SCN11A: variants seen among roughly 807,000 people sequenced by gnomAD.
The protein encoded by SCN11A is sodium voltage-gated channel alpha subunit 11, also known as sodium channel protein type 11 subunit alpha.
SCN11A carries 122 observed loss-of-function variants against 162.2 expected under a neutral mutation model. That is an observed-to-expected ratio of 0.75 (90% CI 0.65 to 0.87). The LOEUF (loss-of-function observed/expected upper bound fraction) is 0.87. Among genes scored for constraint, SCN11A ranks in the 40% least tolerant of loss-of-function variants. SCN11A has a pLI of 0.00. For synonymous variants in SCN11A, 758 were observed against 751.5 expected (o/e 1.01, Z -0.14); for missense variants, 2,015 against 2,181.6 (o/e 0.92, Z 1.52).
At chr3:38,877,152 T>C (rs1170248280) in intron 23 of SCN11A, among the ~76,000 whole-genome samples, 1 of 106,288 alleles carries the variant, frequency 9.4e-6, no homozygotes, top group Non-Finnish European at 1.8e-5. Context: ...ATGGTATATA[T>C]ATGGTGTATA....
chr3:38,995,021 C>A (rs2030576097), intron 2 of SCN11A, among the ~76,000 whole-genome samples: 1 of 152,174 alleles, frequency 6.6e-6, no homozygotes, highest in South Asian at 2.1e-4. Context: ...GATACAGACA[C>A]ACTTCCTGGG....
intron 2 of SCN11A, among the ~76,000 whole-genome samples, chr3:39,000,581 T>TA (rs2030778810): frequency 6.6e-6 from 1 of 152,246 alleles, no homozygotes; most frequent in South Asian, 2.1e-4. Context: ...TCAGTTCTGT[T>TA]ACATTTACCA....
intron 4 of SCN11A, among the ~76,000 whole-genome samples, chr3:38,951,619 T>G (rs1365876013): frequency 1.3e-5 from 2 of 152,196 alleles, no homozygotes; most frequent in East Asian, 1.9e-4. Flanking sequence ...AGCTCCTGAG[T>G]CTGGTGGGGA....
chr3:38,905,220 A>G lies in SCN11A; in HGVS notation c.1575T>C (p.Ala525=), dbSNP rs201554884. The G allele has an allele frequency of 8.9e-4, 1,430 of 1,614,118 alleles. 23 individuals carry two copies. In the South Asian group the frequency reaches 0.015, roughly 17 times the overall value. Residue 525 remains alanine (A), a synonymous_variant, in exon 15 of 30, where the codon GCT becomes GCC. Transcript: ENST00000302328. ...DPLQRQRALS[A]VSILTITMKE... ...TCATGGTGATGGTGAGGATGCTGAC[A>G]GCACTCAGTGCTCTCTGCCTTTGGA...
In SCN11A at chr3:39,018,547, G is replaced by A. The variant is rs186890006; in HGVS notation, c.-280+13833C>T. Among the ~76,000 whole-genome samples, 60 of 152,228 alleles carry A rather than the reference G, an allele frequency of 3.9e-4. 1 individual carries two copies. In the East Asian group the frequency reaches 6.4e-3, roughly 16 times the overall value. Reference sequence around the variant, plus strand: ...AAAATCATTGTTTTGGGCCAGGCGCGGTGGCTCAAGCCTGTAATCCCAGCA... The same window carrying A: ...AAAATCATTGTTTTGGGCCAGGCGCAGTGGCTCAAGCCTGTAATCCCAGCA... On this transcript the variant is annotated intron_variant, in intron 2 of 29. Transcript: ENST00000302328.
rs267599814 is a variant in SCN11A, at chr3:38,910,147, C to A, written c.1020G>T (p.Thr340=). The A allele has an allele frequency of 6.2e-7, 1 of 1,613,638 alleles. No homozygotes were observed. The highest frequency in any genetic ancestry group is 2.2e-5 in the East Asian group (1 of 44,848). ...HTKINPDYNY[T]NFDNFGWSFL... ...AAGACCAGCCAAAGTTGTCAAAATT[C>A]GTATAATTATAGTCAGGATTAATTT... is the stretch of plus-strand genomic sequence containing the variant. Residue 340 remains threonine, a synonymous_variant, in exon 12 of 30, where the codon ACG becomes ACT. Coordinates refer to ENST00000302328, the MANE Select transcript of SCN11A (RefSeq NM_001349253.2).
At chr3:39,001,947 G>A (rs1472956495) in intron 2 of SCN11A, among the ~76,000 whole-genome samples, 2 of 152,042 alleles carry the variant, frequency 1.3e-5, no homozygotes, top group Non-Finnish European at 2.9e-5. Flanking sequence ...TGAGGCAGGA[G>A]AATGGCGTGA....
chr3:38,971,651 A>G (rs971399015), intron 2 of SCN11A, among the ~76,000 whole-genome samples: 1 of 152,162 alleles, frequency 6.6e-6, no homozygotes, highest in African/African-American at 2.4e-5. Context: ...TCACTGCAAG[A>G]TCTGACCTTT....
At chr3:38,956,800 G>A (rs953861585) in intron 3 of SCN11A, among the ~76,000 whole-genome samples, 4 of 152,098 alleles carry the variant, frequency 2.6e-5, no homozygotes, top group African/African-American at 7.2e-5. Context: ...AGCTGAAGTC[G>A]GAGAGAAAAA....
At chr3:38,847,817 G>T in intron 29 of SCN11A, 75 bp from the exon 30 acceptor site, 1 of 900,102 alleles carries the variant, frequency 1.1e-6, no homozygotes, top group Non-Finnish European at 1.7e-6. Flanking sequence ...TCCTGCCTCA[G>T]AATCCTATGG....
At chr3:38,936,143 G>T (rs551704176) in intron 7 of SCN11A, among the ~76,000 whole-genome samples, 8,241 of 151,404 alleles carry the variant, frequency 0.054, 744 homozygotes, top group African/African-American at 0.19. Flanking sequence ...AATAGATGCA[G>T]AAAAGGCCTT....
intron 1 of SCN11A, among the ~76,000 whole-genome samples, chr3:39,043,374 T>C (rs2032102966): frequency 6.6e-6 from 1 of 152,138 alleles, no homozygotes; most frequent in Non-Finnish European, 1.5e-5. Flanking sequence ...CCCATGTTTG[T>C]TGCAGCGCTG....
rs775299093 is a variant in SCN11A, at chr3:38,894,678, A to C, written c.2690T>G (p.Leu897Arg). Residue 897 changes from leucine (L) to arginine (R), a missense_variant, in exon 19 of 30, where the codon CTT becomes CGT. Leu to Arg is a moderately radical substitution (Grantham distance 102). Transcript: ENST00000302328. ...CTTTGGTACAGAGGTTAGTATACCA[A>C]GCTCCTCCTGGGTCTCTGAGCCCCT... ...MKRGSETQEE[L>R]GILTSVPKTL... 2.5e-6 allele frequency: 4 copies of C among 1,614,156 alleles called. No individual in the cohort carries two copies. Among genetic ancestry groups the C allele is most frequent in the Non-Finnish European group, 3.4e-6 (4 of 1,180,016 alleles).
At chr3:38,975,848 A>G (rs924290602) in intron 2 of SCN11A, among the ~76,000 whole-genome samples, 16 of 152,144 alleles carry the variant, frequency 1.1e-4, no homozygotes, top group African/African-American at 2.7e-4. Flanking sequence ...GAGTTGTTTA[A>G]TGGATATAGA....
chr3:38,995,803 A>ATCTATCTGTCTGTCTGTCTGTCTG (rs1553648572), intron 2 of SCN11A, among the ~76,000 whole-genome samples: 3 of 135,254 alleles, frequency 2.2e-5, no homozygotes, highest in African/African-American at 6.2e-5. Context: ...TAAATTGTCT[A>ATCTATCTGTCTGTCTGTCTGTCTG]TCTATCTATC....
intron 19 of SCN11A, among the ~76,000 whole-genome samples, chr3:38,891,488 C>T (rs1487581246): frequency 6.6e-6 from 1 of 152,196 alleles, no homozygotes; most frequent in East Asian, 1.9e-4. Flanking sequence ...TGGCTGAAGA[C>T]TCCTCAAAAT....
intron 28 of SCN11A, 110 bp downstream of exon 28, chr3:38,863,085 C>T (rs1487842333): frequency 1.4e-6 from 1 of 713,938 alleles, no homozygotes. Flanking sequence ...TCTGTTGAGT[C>T]CTTAATGTCT....
At chr3:39,036,602 C>G (rs190725153) in intron 1 of SCN11A, among the ~76,000 whole-genome samples, 2 of 152,184 alleles carry the variant, frequency 1.3e-5, no homozygotes, top group Non-Finnish European at 2.9e-5. Flanking sequence ...GCAAACTATC[C>G]ATCTGACAAG....
intron 1 of SCN11A, among the ~76,000 whole-genome samples, chr3:39,040,024 T>C (rs2032004541): frequency 1.3e-5 from 2 of 152,184 alleles, no homozygotes; most frequent in Admixed American, 6.5e-5. Context: ...TCACGTGCTG[T>C]GTTCCTCAGG....
Sources: gnomAD v4.1 joint callset for allele counts (sites outside exome capture counted in the v4.1 genomes callset) on GRCh38, gnomAD v4.1.1 for gene constraint, MANE v1.5 for transcripts, NCBI Gene and HGNC (gene_info 2026-07-23, HGNC 2026-07-21) for gene names.